PRKCA: variants seen among roughly 807,000 people sequenced by gnomAD.
PRKCA encodes protein kinase C alpha, also known as protein kinase C alpha type.
Under a neutral mutation model 87.0 loss-of-function variants are expected in PRKCA, and 27 were observed. The ratio of observed to expected loss-of-function variants is 0.31; its 90% CI spans 0.23 to 0.43. The LOEUF is 0.43. Ranked by LOEUF, PRKCA falls within the 20% of genes least tolerant of loss-of-function variation. The probability of loss-of-function intolerance (pLI) is 1.00; values close to 1 mark genes in which losing one functional copy is unlikely to be tolerated. For synonymous variants in PRKCA, 329 were observed against 311.1 expected (o/e 1.06, Z -0.61); for missense variants, 518 against 852.3 (o/e 0.61, Z 4.88).
At chr17:66,797,498 T>C (rs1038926053) in intron 16 of PRKCA, among the ~76,000 whole-genome samples, 1 of 152,222 alleles carries the variant, frequency 6.6e-6, no homozygotes, top group Non-Finnish European at 1.5e-5. Context: ...TTTTACATGC[T>C]AGTGCTTGCT....
Position 66,710,079 on chromosome 17 carries a change from T to G in PRKCA, c.918+21032T>G, listed in dbSNP as rs1458214084. ...GGAGCTGTTTGATGTGAGACCACTT[T>G]CAGACATGGAAATGCCACAAGGAGG... is the stretch of plus-strand genomic sequence containing the variant. On this transcript the variant is annotated intron_variant, in intron 8 of 16. Transcript: ENST00000413366. 2.6e-5 allele frequency among the ~76,000 whole-genome samples: 4 copies of G among 152,182 alleles called. No homozygotes were observed. The East Asian group carries it at 7.7e-4, about 29-fold the overall frequency.
intron 2 of PRKCA, among the ~76,000 whole-genome samples, chr17:66,410,206 G>T (rs1421592301): frequency 2.1e-5 from 1 of 47,224 alleles, no homozygotes; most frequent in Non-Finnish European, 5.7e-5. Flanking sequence ...TACCAACAGA[G>T]ATTTTTTTTT....
intron 5 of PRKCA, among the ~76,000 whole-genome samples, chr17:66,674,784 A>G (rs753588427): frequency 3.9e-5 from 6 of 152,212 alleles, no homozygotes; most frequent in East Asian, 1.9e-4. Context: ...CTTCTGGCCA[A>G]ATGATTCCAG....
chr17:66,786,123 C>T (rs556814506), intron 14 of PRKCA, among the ~76,000 whole-genome samples: 116 of 152,340 alleles, frequency 7.6e-4, no homozygotes, highest in Admixed American at 2.0e-3. Context: ...CCACCGCGCC[C>T]GGCCTGGAGA....
intron 2 of PRKCA, among the ~76,000 whole-genome samples, chr17:66,451,592 G>T (rs187188468): frequency 1.3e-5 from 2 of 152,230 alleles, no homozygotes; most frequent in East Asian, 3.9e-4. Flanking sequence ...GGTTGACCGG[G>T]TATTTTGGAG....
At chr17:66,587,681 ATG>A (rs1446074005) in intron 3 of PRKCA, among the ~76,000 whole-genome samples, 16 of 147,438 alleles carry the variant, frequency 1.1e-4, no homozygotes, top group South Asian at 4.4e-4. Context: ...ATATACGTAT[ATG>A]TGTGTGTATA....
intron 2 of PRKCA, among the ~76,000 whole-genome samples, chr17:66,318,281 T>A (rs773284076): frequency 4.6e-5 from 7 of 152,210 alleles, no homozygotes; most frequent in Non-Finnish European, 8.8e-5. Flanking sequence ...CACATAGATG[T>A]GACTTTAAAA....
rs770232716 is a variant in PRKCA, at chr17:66,732,642, C to A, written c.919-46C>A. ...ACACGGTGGTTTCTGTCACTCTTTC[C>A]CCAGAAAAATGACCCACGTGTTTCC... is the stretch of plus-strand genomic sequence containing the variant. On this transcript the variant is annotated intron_variant, in intron 8 of 16. Transcript: ENST00000413366. The A allele has an allele frequency of 5.6e-6, 9 of 1,612,174 alleles. No individual in the cohort carries two copies. In the South Asian group the frequency reaches 8.8e-5, roughly 16 times the overall value.
chr17:66,754,462 G>C (rs953655791), intron 13 of PRKCA, among the ~76,000 whole-genome samples: 1 of 152,152 alleles, frequency 6.6e-6, no homozygotes, highest in African/African-American at 2.4e-5. Flanking sequence ...CCTCACTTGA[G>C]CTTGCTGTGC....
rs376352087 is a variant in PRKCA at position 66,540,253 on chromosome 17, G to A, written c.288+43970G>A. ...TCATTGTTGTTCAGGCTTTCCAGCC[G>A]TCAGAGCCAGCCCAGGGTTCTGAGA... is the stretch of plus-strand genomic sequence containing the variant. On this transcript the variant is annotated intron_variant, in intron 3 of 16. Coordinates refer to ENST00000413366, the MANE Select transcript of PRKCA (RefSeq NM_002737.3). Among the ~76,000 whole-genome samples, 209 of 152,336 alleles carry A rather than the reference G, an allele frequency of 1.4e-3. 1 individual carries two copies. The highest frequency in any genetic ancestry group is 4.3e-3 in the African/African-American group (180 of 41,584).
intron 8 of PRKCA, among the ~76,000 whole-genome samples, chr17:66,720,077 G>T (rs573306621): frequency 6.6e-6 from 1 of 152,232 alleles, no homozygotes; most frequent in African/African-American, 2.4e-5. Flanking sequence ...CCCAGTGGCC[G>T]AAGAAAGTAA....
rs141195837 is a variant in PRKCA at position 66,731,668 on chromosome 17, G to A, written c.919-1020G>A. 3.1e-3 allele frequency among the ~76,000 whole-genome samples: 473 copies of A among 152,144 alleles called. 2 individuals are homozygous for A. Among genetic ancestry groups the A allele is most frequent in the African/African-American group, 0.011 (446 of 41,510 alleles). ...GGACTCTGAGGCCCTGGTGAGAGTCGTGAGGGCAGGGCCCCCTCTAGAGCT... is the reference window on the plus strand; with the variant it reads ...GGACTCTGAGGCCCTGGTGAGAGTCATGAGGGCAGGGCCCCCTCTAGAGCT... On this transcript the variant is annotated intron_variant, in intron 8 of 16. Transcript: ENST00000413366.
intron 3 of PRKCA, among the ~76,000 whole-genome samples, chr17:66,542,804 T>C (rs1214863564): frequency 6.6e-6 from 1 of 152,238 alleles, no homozygotes; most frequent in Non-Finnish European, 1.5e-5. Context: ...TTTTTTGTTT[T>C]ACTGGATTCA....
At chr17:66,535,076 C>T (rs962811250) in intron 3 of PRKCA, among the ~76,000 whole-genome samples, 1 of 152,108 alleles carries the variant, frequency 6.6e-6, no homozygotes, top group Non-Finnish European at 1.5e-5. Context: ...TCAAATTATC[C>T]CCAAACTCTC....
At chr17:66,725,927 T>A (rs1238032548) in intron 8 of PRKCA, among the ~76,000 whole-genome samples, 1 of 150,416 alleles carries the variant, frequency 6.6e-6, no homozygotes, top group African/African-American at 2.5e-5. Context: ...GGGTGGGGAG[T>A]AGAGATGGGA....
chr17:66,587,689 GTATA>G (rs1969641918), intron 3 of PRKCA, among the ~76,000 whole-genome samples: 1 of 129,360 alleles, frequency 7.7e-6, no homozygotes, highest in Non-Finnish European at 1.7e-5. Context: ...ATATGTGTGT[GTATA>G]TGTATACATA....
Position 66,361,640 on chromosome 17 carries a change from C to T in PRKCA, c.205+55513C>T, listed in dbSNP as rs190741998. On this transcript the variant is annotated intron_variant, in intron 2 of 16. Transcript: ENST00000413366. ...ATTGGATTTTATTTTCCTCCAACAG[C>T]GTGGACTCTACCCAGTCTTCCTGGT... Among the ~76,000 whole-genome samples the T allele has an allele frequency of 2.4e-3, 358 of 152,186 alleles. 3 individuals are homozygous for T. The highest frequency in any genetic ancestry group is 8.4e-3 in the African/African-American group (350 of 41,528).
At chr17:66,666,719 A>G (rs1299823193) in intron 5 of PRKCA, among the ~76,000 whole-genome samples, 2 of 152,134 alleles carry the variant, frequency 1.3e-5, no homozygotes, top group Non-Finnish European at 2.9e-5. Context: ...GCCTTCCCCA[A>G]AATCTGACTC....
In PRKCA at chr17:66,806,222, T is replaced by C. The variant is rs1055179981; in HGVS notation, c.*2185T>C. On this transcript the variant is annotated 3_prime_UTR_variant, in exon 17 of 17. Transcript: ENST00000413366. Reference sequence around the variant, plus strand: ...CTCCCAGCTAAGCTCGCATTATTTTTCTCCTCTGGCTGTTTGCCTGAAGTT... The same window carrying C: ...CTCCCAGCTAAGCTCGCATTATTTTCCTCCTCTGGCTGTTTGCCTGAAGTT... 1 of 152,314 alleles carries C rather than the reference T, an allele frequency of 6.6e-6. No individual in the cohort carries two copies. The highest frequency in any genetic ancestry group is 6.5e-5 in the Admixed American group (1 of 15,286). 9.4% of individuals were successfully genotyped at this position (152,314 alleles called of 1,614,324 possible).
Sources: gnomAD v4.1 joint callset for allele counts (sites outside exome capture counted in the v4.1 genomes callset) on GRCh38, gnomAD v4.1.1 for gene constraint, MANE v1.5 for transcripts, NCBI Gene and HGNC (gene_info 2026-07-23, HGNC 2026-07-21) for gene names.